The following ANP32E variants were observed in gnomAD, a reference collection of about 807,000 sequenced individuals.
ANP32E encodes acidic nuclear phosphoprotein 32 family member E.
A neutral mutation model predicts 35.3 loss-of-function variants in ANP32E; 14 were observed. The observed-to-expected ratio is 0.40, with a 90% CI of 0.26 to 0.62. The LOEUF (loss-of-function observed/expected upper bound fraction) is 0.62, where lower values mean the gene tolerates loss of function less well. Ranked by LOEUF, ANP32E falls within the 20% of genes least tolerant of loss-of-function variation. The pLI is 0.45. For missense variants in ANP32E, 198 were observed against 304.4 expected (o/e 0.65, Z 2.60); for synonymous variants, 89 against 110.4 (o/e 0.81, Z 1.22).
intron 2 of ANP32E, 100 bp from the exon 3 acceptor site, chr1:150,230,793 G>C: frequency 1.8e-6 from 2 of 1,127,248 alleles, no homozygotes; most frequent in Non-Finnish European, 2.5e-6. Flanking sequence ...CCAGGCTGGA[G>C]TGCAGTGGTG....
chr1:150,235,812 A>G lies in ANP32E; in HGVS notation c.-26T>C. On this transcript the variant is annotated 5_prime_UTR_variant, in exon 1 of 7. Coordinates refer to ENST00000583931, the MANE Select transcript of ANP32E (RefSeq NM_030920.5). The surrounding 1 kb of genome is among the most constrained non-coding windows in gnomAD (Gnocchi z 4.2). ...GTCCTCCTCTTGCTCTTCAGCTACT[A>G]CTCTCCTTTTCCCTTTCCTGCCTTC... The G allele has an allele frequency of 1.3e-6, 2 of 1,545,866 alleles. No homozygotes were observed. The highest frequency in any genetic ancestry group is 1.8e-6 in the Non-Finnish European group (2 of 1,130,864).
chr1:150,228,971 GA>G (rs1649112716), intron 4 of ANP32E, 100 bp downstream of exon 4: 1 of 994,472 alleles, frequency 1.0e-6, no homozygotes, highest in Non-Finnish European at 1.5e-6. Flanking sequence ...TCTTGTTGTG[GA>G]TTTTTTTTTT....
intron 2 of ANP32E, among the ~76,000 whole-genome samples, chr1:150,231,461 G>A (rs2101789794): frequency 6.6e-6 from 1 of 152,146 alleles, no homozygotes; most frequent in East Asian, 1.9e-4. Context: ...CAGGTGTGGT[G>A]GCGCATGCCT....
At chr1:150,230,492 T>C in intron 3 of ANP32E, 79 bp downstream of exon 3, 7 of 1,392,408 alleles carry the variant, frequency 5.0e-6, no homozygotes, top group Non-Finnish European at 5.8e-6. Flanking sequence ...AAGAGTTAAA[T>C]AGAAATTAAT....
intron 1 of ANP32E, among the ~76,000 whole-genome samples, chr1:150,234,857 C>A (rs1482544170): frequency 2.0e-5 from 3 of 152,220 alleles, no homozygotes; most frequent in Non-Finnish European, 2.9e-5. Flanking sequence ...TCACATGGCC[C>A]CTCCCAACCC....
chr1:150,229,907 C>T (rs1384640900), intron 3 of ANP32E, among the ~76,000 whole-genome samples: 2 of 152,218 alleles, frequency 1.3e-5, no homozygotes, highest in South Asian at 2.1e-4. Flanking sequence ...CCACCGTGCC[C>T]GACCACATCA....
At chr1:150,229,303 T>TTCTTTTTTC (rs1170071360) in intron 3 of ANP32E, 66 bp from the exon 4 acceptor site, 1 of 994,830 alleles carries the variant, frequency 1.0e-6, no homozygotes, top group African/African-American at 1.8e-5. Flanking sequence ...TTTTTCTTTT[T>TTCTTTTTTC]TTTTTTTTTT....
intron 4 of ANP32E, 152 bp from the exon 5 acceptor site, chr1:150,226,947 T>A: frequency 8.8e-7 from 1 of 1,137,684 alleles, no homozygotes; most frequent in Non-Finnish European, 1.2e-6. Flanking sequence ...TTAAGATTTC[T>A]GTTTCACAAC....
At chr1:150,227,768 A>G (rs1553840504) in intron 4 of ANP32E, among the ~76,000 whole-genome samples, 2 of 149,708 alleles carry the variant, frequency 1.3e-5, no homozygotes. Flanking sequence ...CTATCATTTC[A>G]TCATTTTATA....
chr1:150,226,847 T>G lies in ANP32E; in HGVS notation c.494-52A>C, dbSNP rs28584213. Reference sequence around the variant, plus strand: ...AAATGACTGGGTAAATGTTTCTTCCTAGGATGTTGATGCTTTTTACCCTTG... The same window carrying G: ...AAATGACTGGGTAAATGTTTCTTCCGAGGATGTTGATGCTTTTTACCCTTG... On this transcript the variant is annotated intron_variant, in intron 4 of 6. Transcript: ENST00000583931. The G allele has an allele frequency of 6.5e-6, 10 of 1,548,898 alleles. No homozygotes were observed. The African/African-American group carries it at 8.2e-5, about 13-fold the overall frequency.
At position 150,226,815 on chromosome 1, in the gene ANP32E, GA is replaced by G; in HGVS notation, c.494-21del. The G allele has an allele frequency of 6.3e-7, 1 of 1,594,024 alleles. No homozygotes were observed. Among genetic ancestry groups the G allele is most frequent in the Non-Finnish European group, 8.5e-7 (1 of 1,174,550 alleles). On this transcript the variant is annotated intron_variant, in intron 4 of 6. Coordinates refer to ENST00000583931, the MANE Select transcript of ANP32E (RefSeq NM_030920.5). Reference sequence around the variant, plus strand: ...CGCCATCTTTAAAAAATCATTTAAAGATGAGTAAATGACTGGGTAAATGTTT... The same window carrying G: ...CGCCATCTTTAAAAAATCATTTAAAGTGAGTAAATGACTGGGTAAATGTTT...
At chr1:150,233,264 CAAAAAAAAAA>C (rs60732970) in intron 1 of ANP32E, among the ~76,000 whole-genome samples, 1 of 86,426 alleles carries the variant, frequency 1.2e-5, no homozygotes, top group African/African-American at 4.3e-5. Flanking sequence ...GACTCTATCT[CAAAAAAAAAA>C]AAAAAAAAAA....
intron 4 of ANP32E, among the ~76,000 whole-genome samples, chr1:150,227,374 A>C (rs1307768456): frequency 2.0e-5 from 3 of 152,210 alleles, no homozygotes; most frequent in African/African-American, 7.2e-5. Context: ...GGACTGGATA[A>C]AGAAAATGTA....
Position 150,226,622 on chromosome 1 carries a change from T to C in ANP32E, c.667A>G (p.Lys223Glu), listed in dbSNP as rs1017953863. Residue 223 changes from lysine to glutamate, a missense_variant, in exon 5 of 7, where the codon AAA becomes GAA. Lys to Glu is a moderately conservative substitution (Grantham distance 56). This residue lies in a region of ANP32E where 121 missense variants were observed against 137.3 expected (regional missense o/e 0.88). Transcript: ENST00000583931. Reference protein sequence around the residue: ...EEEVGLSYLMKEEIQDEEDDD... With the variant: ...EEEVGLSYLMEEEIQDEEDDD... ...TGTGTATTCACCTGAATTTCTTCTT[T>C]CATTAAGTATGAGAGGCCCACTTCC... The C allele has an allele frequency of 6.2e-7, 1 of 1,613,460 alleles. No individual in the cohort carries two copies. Among genetic ancestry groups the C allele is most frequent in the Non-Finnish European group, 8.5e-7 (1 of 1,179,910 alleles).
chr1:150,231,978 G>A, intron 1 of ANP32E, 52 bp from the exon 2 acceptor site: 1 of 1,545,570 alleles, frequency 6.5e-7, no homozygotes, highest in East Asian at 2.3e-5. Context: ...AATCTGTTTA[G>A]GTAGAGACCT....
chr1:150,220,825 T>C (rs782002991), intron 6 of ANP32E, 64 bp from the exon 7 acceptor site: 19 of 1,464,962 alleles, frequency 1.3e-5, no homozygotes, highest in African/African-American at 4.2e-5. Context: ...GGTTACATTT[T>C]TGAATCTTAG....
In ANP32E at chr1:150,230,697, T is replaced by C. The variant is rs782284834; in HGVS notation, c.205-4A>G. The C allele has an allele frequency of 2.6e-6, 4 of 1,522,260 alleles. No individual in the cohort carries two copies. The highest frequency in any genetic ancestry group is 3.5e-6 in the Non-Finnish European group (4 of 1,145,884). 94.3% of individuals were successfully genotyped at this position (1,522,260 alleles called of 1,614,324 possible). On this transcript the variant is annotated splice_polypyrimidine_tract_variant and splice_region_variant and intron_variant, in intron 2 of 6. Transcript: ENST00000583931. ...TTATATTATCACTAAGCTCCAACTA[T>C]ACATTCAACAAAGGAAAAAACAAAG...
intron 6 of ANP32E, among the ~76,000 whole-genome samples, chr1:150,222,855 CTT>C (rs1648542335): frequency 6.6e-6 from 1 of 151,928 alleles, no homozygotes; most frequent in Admixed American, 6.6e-5. Flanking sequence ...CTGCTCCTCT[CTT>C]ATAAGATAAG....
At chr1:150,222,529 G>A (rs1553838447) in intron 6 of ANP32E, among the ~76,000 whole-genome samples, 2 of 143,720 alleles carry the variant, frequency 1.4e-5, no homozygotes, top group African/African-American at 5.0e-5. Flanking sequence ...GGTGGGGTGG[G>A]CAGATCGTTT....
Sources: gnomAD v4.1 joint callset for allele counts (sites outside exome capture counted in the v4.1 genomes callset) on GRCh38, gnomAD v4.1.1 for gene constraint, gnomAD v4.1.1 regional missense constraint, Gnocchi (gnomAD v3.1) non-coding constraint, MANE v1.5 for transcripts, NCBI Gene and HGNC (gene_info 2026-07-23, HGNC 2026-07-21) for gene names.